Variants in SNX29 observed in about 807,000 individuals in gnomAD.
SNX29 encodes sorting nexin 29, also known as sorting nexin-29.
In SNX29, 78 loss-of-function variants were observed where a neutral mutation model predicts 102.1. That is an observed-to-expected ratio of 0.76 (90% CI 0.64 to 0.92). The LOEUF (loss-of-function observed/expected upper bound fraction) is 0.92, where lower values mean the gene tolerates loss of function less well. SNX29 is among the 40% of genes least tolerant of loss of function. The pLI is 0.00. For missense variants in SNX29, 1,280 were observed against 1,061.7 expected (o/e 1.21, Z -2.86); for synonymous variants, 580 against 414.5 (o/e 1.40, Z -4.85).
intron 18 of SNX29, among the ~76,000 whole-genome samples, chr16:12,441,436 T>C (rs1466458360): frequency 6.6e-6 from 1 of 152,178 alleles, no homozygotes; most frequent in Non-Finnish European, 1.5e-5. Context: ...TTTGGGTAGA[T>C]CACATTTTTC....
chr16:12,424,707 G>A (rs1325389536), intron 18 of SNX29, among the ~76,000 whole-genome samples: 1 of 152,170 alleles, frequency 6.6e-6, no homozygotes, highest in African/African-American at 2.4e-5. Flanking sequence ...TGTTCCGAGT[G>A]GAGTTCTATC....
chr16:12,139,990 A>G (rs1467374318), intron 13 of SNX29, among the ~76,000 whole-genome samples: 1 of 151,264 alleles, frequency 6.6e-6, no homozygotes, highest in African/African-American at 2.4e-5. Flanking sequence ...CAAAAAAAAA[A>G]AAAAAAAAAA....
At position 12,573,907 on chromosome 16, in the gene SNX29, C is replaced by G. The variant is rs963903281; in HGVS notation, c.*5278C>G. ...AGCCGTCAGGTAGAACGCTTACTCA[C>G]CTGACACCGACTTCTTAGAGAAGCG... is the stretch of plus-strand genomic sequence containing the variant. On this transcript the variant is annotated 3_prime_UTR_variant, in exon 21 of 21. Coordinates refer to ENST00000566228, the MANE Select transcript of SNX29 (RefSeq NM_032167.5). The G allele has an allele frequency of 4.9e-6, 1 of 204,338 alleles. No individual in the cohort carries two copies. The highest frequency in any genetic ancestry group is 7.5e-5 in the East Asian group (1 of 13,416). The allele number at this position is 204,338 out of a possible 1,614,324, so 12.7% of individuals were successfully genotyped here. A position where few individuals can be genotyped will look rare whatever the true frequency, so the allele number is the denominator to read the frequency against.
intron 1 of SNX29, among the ~76,000 whole-genome samples, chr16:11,996,830 C>T (rs2151005843): frequency 6.6e-6 from 1 of 152,292 alleles, no homozygotes; most frequent in South Asian, 2.1e-4. Flanking sequence ...GGTCTATAGC[C>T]ATCCTGAGCG....
chr16:12,019,209 A>G (rs1351081315), intron 3 of SNX29, among the ~76,000 whole-genome samples: 3 of 152,016 alleles, frequency 2.0e-5, no homozygotes, highest in Non-Finnish European at 4.4e-5. Flanking sequence ...ATGACCAGTA[A>G]TGCTTTTTGT....
intron 11 of SNX29, among the ~76,000 whole-genome samples, chr16:12,115,248 C>T (rs2141291787): frequency 6.6e-6 from 1 of 152,216 alleles, no homozygotes; most frequent in South Asian, 2.1e-4. Flanking sequence ...CTGGGAATCC[C>T]ATCCTATCTG....
chr16:12,177,518 A>G (rs1328595514), intron 13 of SNX29, among the ~76,000 whole-genome samples: 4 of 151,934 alleles, frequency 2.6e-5, no homozygotes, highest in African/African-American at 7.3e-5. Context: ...AGTTACACCT[A>G]TCATCTTCAC....
chr16:12,564,271 T>C (rs771995961), intron 20 of SNX29, among the ~76,000 whole-genome samples: 1 of 152,194 alleles, frequency 6.6e-6, no homozygotes, highest in Admixed American at 6.5e-5. Context: ...ATTAGATGCC[T>C]CTACCAGTAA....
intron 10 of SNX29, among the ~76,000 whole-genome samples, chr16:12,078,081 A>C (rs182784246): frequency 6.6e-6 from 1 of 152,318 alleles, no homozygotes; most frequent in Non-Finnish European, 1.5e-5. Context: ...CTAACTCACA[A>C]ATTATCTCCA....
At chr16:12,545,463 G>A (rs1567686260) in intron 20 of SNX29, 1 of 152,250 alleles carries the variant, frequency 6.6e-6, no homozygotes, top group Non-Finnish European at 1.5e-5. Flanking sequence ...GGACGGATAG[G>A]ATGCCAGTGA....
intron 18 of SNX29, among the ~76,000 whole-genome samples, chr16:12,448,859 T>C (rs556869490): frequency 1.3e-5 from 2 of 152,316 alleles, no homozygotes; most frequent in South Asian, 4.1e-4. Context: ...ACTAAGCATC[T>C]TTCTTTGCCT....
chr16:12,569,118 TTTGCGGG>T lies in SNX29; in HGVS notation c.*490_*496del, dbSNP rs1336060455. 0.019 allele frequency: 412 copies of T among 21,338 alleles called. No homozygotes were observed. The highest frequency in any genetic ancestry group is 0.031 in the Non-Finnish European group (351 of 11,162). 1.3% of individuals were successfully genotyped at this position (21,338 alleles called of 1,614,324 possible). A position where few individuals can be genotyped will look rare whatever the true frequency, so the allele number is the denominator to read the frequency against. On this transcript the variant is annotated 3_prime_UTR_variant, in exon 21 of 21. Transcript: ENST00000566228. ...CTGGCCTAACCTAGGGATGGCTGGC[TTTGCGGG>T]GGGGGGGGGGGGGGGGGGCATGGTT...
In SNX29 at chr16:12,568,598, G is replaced by T. The variant is rs371075864; in HGVS notation, c.2411G>T (p.Arg804Leu). The change falls in exon 21 of 21, where the codon CGC becomes CTC. Residue 804 changes from arginine (R) to leucine (L), a missense_variant. Arg to Leu is a moderately radical substitution (Grantham distance 102). Transcript: ENST00000566228. ...KLSRGQPRET[R>L]NVEPQSGDL ...TCCCGGGGTCAGCCCCGGGAGACCCGCAACGTGGAGCCCCAGAGCGGTGAC... is the reference window on the plus strand; with the variant it reads ...TCCCGGGGTCAGCCCCGGGAGACCCTCAACGTGGAGCCCCAGAGCGGTGAC... The T allele has an allele frequency of 6.2e-7, 1 of 1,605,484 alleles. No individual in the cohort carries two copies. The highest frequency in any genetic ancestry group is 1.1e-5 in the South Asian group (1 of 91,084).
chr16:12,536,855 A>G (rs1485692360), intron 20 of SNX29, among the ~76,000 whole-genome samples: 1 of 152,142 alleles, frequency 6.6e-6, no homozygotes, highest in African/African-American at 2.4e-5. Context: ...GCACACCTGT[A>G]ATTGTAGCTA....
In SNX29 at chr16:12,052,166, C is replaced by G; in HGVS notation, c.1068C>G (p.Asp356Glu). The G allele has an allele frequency of 1.2e-6, 2 of 1,613,856 alleles. No individual in the cohort carries two copies. Among genetic ancestry groups the G allele is most frequent in the East Asian group, 2.2e-5 (1 of 44,886 alleles). Residue 356 changes from aspartate (D) to glutamate (E), a missense_variant, in exon 8 of 21, where the codon GAC becomes GAG. Coordinates refer to ENST00000566228, the MANE Select transcript of SNX29 (RefSeq NM_032167.5). ...DDEDVDENED[D>E]VYGNSSGRKH... ...AAGATGTGGATGAAAACGAAGATGA[C>G]GTGTATGGAAACTCATCAGGAAGGA...
chr16:12,422,092 C>T (rs761828899), intron 18 of SNX29, among the ~76,000 whole-genome samples: 65 of 152,334 alleles, frequency 4.3e-4, no homozygotes, highest in Non-Finnish European at 7.8e-4. Flanking sequence ...AGTATTTCAT[C>T]TTCTCTCTCC....
chr16:12,555,839 C>T (rs944590873), intron 20 of SNX29, among the ~76,000 whole-genome samples: 3 of 151,978 alleles, frequency 2.0e-5, no homozygotes, highest in Non-Finnish European at 2.9e-5. Context: ...GACTGACCAA[C>T]CCCCCTCACC....
chr16:12,076,715 C>T (rs116199334), intron 10 of SNX29, among the ~76,000 whole-genome samples: 3,948 of 152,284 alleles, frequency 0.026, 57 homozygotes, highest in Middle Eastern at 0.071. Context: ...CTGCTATTAC[C>T]GTTTTCTTCT....
chr16:12,519,640 T>C (rs1036433099), intron 19 of SNX29, among the ~76,000 whole-genome samples: 42 of 152,204 alleles, frequency 2.8e-4, no homozygotes, highest in Admixed American at 1.3e-4. Context: ...AGTTAAGACT[T>C]TTTAGACAAA....
Sources: allele counts gnomAD v4.1 joint callset (sites outside exome capture counted in the v4.1 genomes callset), GRCh38; gene constraint gnomAD v4.1.1; transcripts MANE v1.5; gene names NCBI Gene and HGNC (gene_info 2026-07-23, HGNC 2026-07-21).